The following TP63 variants were observed in gnomAD, a reference collection of about 807,000 sequenced individuals.
TP63 encodes tumor protein 63.
In TP63, 17 loss-of-function variants were observed where a neutral mutation model predicts 82.8. The observed-to-expected ratio is 0.21, with a 90% confidence interval of 0.14 to 0.31. TP63 has a LOEUF of 0.31. Among genes scored for constraint, TP63 ranks in the 10% least tolerant of loss-of-function variants. TP63 has a pLI of 1.00. For missense variants in TP63, 648 were observed against 895.3 expected, an observed-to-expected ratio of 0.72 and a Z score of 3.52; for synonymous variants, 330 against 321.7, an observed-to-expected ratio of 1.03 and a Z score of -0.28.
chr3:189,827,631 G>T lies in TP63; in HGVS notation c.579+19105G>T, dbSNP rs558175266. On this transcript the variant is annotated intron_variant, in intron 4 of 13. Transcript: ENST00000264731. ...GGTAGAGGGACCAGGGTAAGTAAAGGCATGGAGACATGAATGTGTTATGTA... is the reference window on the plus strand; with the variant it reads ...GGTAGAGGGACCAGGGTAAGTAAAGTCATGGAGACATGAATGTGTTATGTA... Among the ~76,000 whole-genome samples, 164 of 152,272 alleles carry T rather than the reference G, an allele frequency of 1.1e-3. 1 individual carries two copies. The highest frequency in any genetic ancestry group is 3.6e-3 in the African/African-American group (149 of 41,560).
rs187558918 is a variant in TP63, at chr3:189,872,287, G to A, written c.1213-572G>A. 1.7e-3 allele frequency among the ~76,000 whole-genome samples: 258 copies of A among 151,870 alleles called. 4 individuals are homozygous for A. The highest frequency in any genetic ancestry group is 3.8e-4 in the Non-Finnish European group (26 of 67,986). ...TCACAACAGAATAATATATCACTTC[G>A]TTTGTTGTGTGTTTCTGTTAAGAGA... On this transcript the variant is annotated intron_variant, in intron 9 of 13. Transcript: ENST00000264731.
chr3:189,674,926 C>T (rs1715259093), intron 1 of TP63, among the ~76,000 whole-genome samples: 2 of 152,082 alleles, frequency 1.3e-5, no homozygotes, highest in Non-Finnish European at 1.5e-5. Context: ...AATGCTGAGG[C>T]ACTCCTCAGC....
chr3:189,771,327 T>TATATAATATATTATATATTTA lies in TP63; in HGVS notation c.324+32564_324+32565insTATATATTTAATATAATATAT, dbSNP rs1553835381. Among the ~76,000 whole-genome samples the TATATAATATATTATATATTTA allele has an allele frequency of 8.4e-3, 1,108 of 131,686 alleles. 14 individuals carry two copies. Among genetic ancestry groups the TATATAATATATTATATATTTA allele is most frequent in the African/African-American group, 0.033 (1,023 of 31,354 alleles). 86.4% of individuals were successfully genotyped at this position (131,686 alleles called of 152,430 possible). The stretch of plus-strand genomic sequence containing the variant: ...ATATATATAATATATTATATATTTA[T>TATATAATATATTATATATTTA]ATATAATATATATTTATATAATATA... On this transcript the variant is annotated intron_variant, in intron 3 of 13. Transcript: ENST00000264731.
At chr3:189,605,157 C>T in the TP63 span, among the ~76,000 whole-genome samples, 3 of 152,146 alleles carry the variant, frequency 2.0e-5, no homozygotes, top group Non-Finnish European at 4.4e-5. Flanking sequence ...TAATTTCCTA[C>T]AAATACAATA....
intron 10 of TP63, among the ~76,000 whole-genome samples, chr3:189,882,755 A>G (rs1720063081): frequency 6.6e-6 from 1 of 152,184 alleles, no homozygotes; most frequent in African/African-American, 2.4e-5. Context: ...GGTTGGAACC[A>G]GAAAACCTGA....
intron 4 of TP63, among the ~76,000 whole-genome samples, chr3:189,810,051 G>A (rs1400778954): frequency 6.6e-6 from 1 of 152,100 alleles, no homozygotes; most frequent in African/African-American, 2.4e-5. Flanking sequence ...TGTGGTTTGA[G>A]AAGTAATTCT....
At chr3:189,778,249 C>G (rs1437654359) in intron 3 of TP63, among the ~76,000 whole-genome samples, 2 of 152,194 alleles carry the variant, frequency 1.3e-5, no homozygotes, top group African/African-American at 4.8e-5. Context: ...ATGTGTTTGT[C>G]TACAGGTGTA....
intron 10 of TP63, 154 bp downstream of exon 10, chr3:189,873,149 G>A: frequency 8.9e-7 from 1 of 1,128,268 alleles, no homozygotes; most frequent in Non-Finnish European, 1.3e-6. Context: ...TCTTTCAGTT[G>A]CAACCTTTTT....
intron 1 of TP63, among the ~76,000 whole-genome samples, chr3:189,678,704 T>C (rs1715656033): frequency 6.6e-6 from 1 of 152,078 alleles, no homozygotes; most frequent in Admixed American, 6.6e-5. Flanking sequence ...TATTGATTCT[T>C]CTAATCCATG....
At chr3:189,644,108 C>A (rs1016167541) in intron 1 of TP63, among the ~76,000 whole-genome samples, 2 of 152,154 alleles carry the variant, frequency 1.3e-5, no homozygotes, top group Non-Finnish European at 2.9e-5. Context: ...ATTTCCACTT[C>A]AGGTACCAAT....
intron 1 of TP63, among the ~76,000 whole-genome samples, chr3:189,718,480 G>A (rs1033085273): frequency 2.7e-5 from 4 of 149,048 alleles, no homozygotes; most frequent in African/African-American, 9.9e-5. Context: ...ATCAGATCTT[G>A]TGAGCGGTCA....
intron 1 of TP63, among the ~76,000 whole-genome samples, chr3:189,691,616 G>A (rs953008073): frequency 2.0e-5 from 3 of 152,020 alleles, no homozygotes; most frequent in African/African-American, 7.2e-5. Flanking sequence ...ATTGCCTCTG[G>A]TTAAGAAACG....
intron 1 of TP63, among the ~76,000 whole-genome samples, chr3:189,725,749 A>G (rs1319554000): frequency 6.6e-6 from 1 of 152,182 alleles, no homozygotes; most frequent in African/African-American, 2.4e-5. Flanking sequence ...ATACATAGCC[A>G]ATACAAATGT....
chr3:189,769,951 T>A (rs1165677431), intron 3 of TP63, among the ~76,000 whole-genome samples: 1 of 152,242 alleles, frequency 6.6e-6, no homozygotes, highest in East Asian at 1.9e-4. Flanking sequence ...AGTCACAGAC[T>A]GGTTCATAAC....
chr3:189,668,414 A>G (rs1714598497), intron 1 of TP63, among the ~76,000 whole-genome samples: 1 of 152,254 alleles, frequency 6.6e-6, no homozygotes, highest in Middle Eastern at 3.4e-3. Flanking sequence ...TTAATGTTAT[A>G]TAGATGAGGT....
chr3:189,743,063 A>T (rs1242251914), intron 3 of TP63, among the ~76,000 whole-genome samples: 3 of 152,210 alleles, frequency 2.0e-5, no homozygotes, highest in Non-Finnish European at 4.4e-5. Flanking sequence ...TTAAAAAGAC[A>T]TAAACTTTAA....
intron 4 of TP63, among the ~76,000 whole-genome samples, chr3:189,841,872 G>A (rs1021297050): frequency 6.6e-6 from 1 of 152,150 alleles, no homozygotes; most frequent in African/African-American, 2.4e-5. Context: ...TACGACTTTG[G>A]GTGCCACTGC....
chr3:189,713,981 A>G (rs1015097397), intron 1 of TP63, among the ~76,000 whole-genome samples: 4 of 152,146 alleles, frequency 2.6e-5, no homozygotes, highest in African/African-American at 9.7e-5. Flanking sequence ...ATTCTCTCCA[A>G]AGTACGGTTT....
At chr3:189,683,362 G>T (rs1220609006) in intron 1 of TP63, among the ~76,000 whole-genome samples, 1 of 152,106 alleles carries the variant, frequency 6.6e-6, no homozygotes, top group Non-Finnish European at 1.5e-5. Context: ...GTCAGTATGT[G>T]GCAGAGCTAA....
Sources: gnomAD v4.1 joint callset for allele counts (sites outside exome capture counted in the v4.1 genomes callset) on GRCh38, gnomAD v4.1.1 for gene constraint, MANE v1.5 for transcripts, NCBI Gene and HGNC (gene_info 2026-07-23, HGNC 2026-07-21) for gene names.